The following ISCU variants were observed in gnomAD, a reference collection of about 807,000 sequenced individuals.
The protein encoded by ISCU is iron-sulfur cluster assembly enzyme.
A neutral mutation model predicts 18.4 loss-of-function variants in ISCU; 13 were observed. The ratio of observed to expected loss-of-function variants is 0.71; its 90% CI spans 0.46 to 1.12. The LOEUF (loss-of-function observed/expected upper bound fraction) is 1.12. ISCU is among the 50% of genes most tolerant of loss of function. The pLI, the probability that ISCU is intolerant of heterozygous loss-of-function variation, is 0.00. For missense variants in ISCU, 229 were observed against 208.7 expected, an observed-to-expected ratio of 1.10 and a Z score of -0.60; for synonymous variants, 104 against 87.5, an observed-to-expected ratio of 1.19 and a Z score of -1.06.
At chr12:108,567,957 G>C (rs1046379934) in intron 4 of ISCU, 4 of 1,457,372 alleles carry the variant, frequency 2.7e-6, no homozygotes, top group Non-Finnish European at 3.7e-6. Flanking sequence ...TTAATGCATC[G>C]ATGGAGGTTT....
intron 1 of ISCU, chr12:108,563,053 A>C: frequency 4.7e-6 from 1 of 214,862 alleles, no homozygotes. Flanking sequence ...ACACCCCCGG[A>C]GCGGGCTCCG....
intron 4 of ISCU, 123 bp from the exon 5 acceptor site, chr12:108,568,708 C>T: frequency 6.6e-7 from 1 of 1,524,896 alleles, no homozygotes; most frequent in East Asian, 2.5e-5. Context: ...CCCCAGCTTT[C>T]TGGCTTGGTT....
intron 1 of ISCU, 32 bp downstream of exon 1, chr12:108,562,768 G>T (rs1197500850): frequency 3.1e-6 from 4 of 1,301,238 alleles, no homozygotes; most frequent in South Asian, 1.7e-5. Flanking sequence ...GCGGAATGCC[G>T]ACTCAGCGGA....
intron 1 of ISCU, 51 bp downstream of exon 1, chr12:108,562,787 C>A: frequency 1.7e-6 from 2 of 1,145,588 alleles, no homozygotes; most frequent in Non-Finnish European, 2.3e-6. Flanking sequence ...GAGGCCTGGG[C>A]TGGAGGGGCG....
At chr12:108,562,772 C>T (rs755847174) in intron 1 of ISCU, 36 bp downstream of exon 1, 7 of 1,269,678 alleles carry the variant, frequency 5.5e-6, no homozygotes, top group East Asian at 3.1e-5. Context: ...AATGCCGACT[C>T]AGCGGAGGCC....
chr12:108,565,395 C>G lies in ISCU; in HGVS notation c.303C>G (p.Ser101=). 6.8e-6 allele frequency: 11 copies of G among 1,613,936 alleles called. No homozygotes were observed. Among genetic ancestry groups the G allele is most frequent in the Non-Finnish European group, 8.5e-6 (10 of 1,179,774 alleles). ...KTFGCGSAIA[S]SSLATEWVKG... ...TTGGCTGTGGTTCCGCAATTGCCTCCAGCTCATTAGCCACTGAATGGGTGA... is the reference window on the plus strand; with the variant it reads ...TTGGCTGTGGTTCCGCAATTGCCTCGAGCTCATTAGCCACTGAATGGGTGA... Residue 101 remains serine (S), a synonymous_variant, in exon 3 of 5, where the codon TCC becomes TCG. Transcript: ENST00000311893.
At chr12:108,568,577 G>C in intron 4 of ISCU, 4 of 1,368,222 alleles carry the variant, frequency 2.9e-6, no homozygotes, top group Non-Finnish European at 3.8e-6. Flanking sequence ...AGAAAGTAGG[G>C]TCAAAGAGGC....
At chr12:108,561,997 TC>T (rs1404306056), upstream of ISCU, among the ~76,000 whole-genome samples, 3 of 152,140 alleles carry the variant, frequency 2.0e-5, no homozygotes, top group Admixed American at 1.3e-4. Context: ...TTCCGTTGGA[TC>T]CCCGGGTCTA....
At chr12:108,568,344 G>C (rs2136721555) in intron 4 of ISCU, 1 of 1,096,292 alleles carries the variant, frequency 9.1e-7, no homozygotes, top group Middle Eastern at 4.2e-4. Context: ...TCGATCACTA[G>C]AGGGTGATGT....
intron 3 of ISCU, among the ~76,000 whole-genome samples, chr12:108,565,966 A>C (rs1043938922): frequency 2.0e-5 from 3 of 152,244 alleles, no homozygotes; most frequent in Non-Finnish European, 4.4e-5. Flanking sequence ...AAGAGCTAGA[A>C]CTTCTTTTTC....
intron 4 of ISCU, chr12:108,568,564 A>G: frequency 7.4e-7 from 1 of 1,344,678 alleles, no homozygotes; most frequent in Non-Finnish European, 9.6e-7. Flanking sequence ...AGTTCTATAG[A>G]AGAGAAAGTA....
chr12:108,567,588 G>A, intron 4 of ISCU: 1 of 1,294,810 alleles, frequency 7.7e-7, no homozygotes, highest in Non-Finnish European at 1.1e-6. Context: ...TAAGGCTTGG[G>A]TTGAGACGCC....
intron 4 of ISCU, 172 bp from the exon 5 acceptor site, chr12:108,568,659 G>C: frequency 4.1e-6 from 6 of 1,467,256 alleles, no homozygotes; most frequent in Non-Finnish European, 5.4e-6. Flanking sequence ...GAGTAACTCA[G>C]CTCAGGAAGC....
Position 108,564,315 on chromosome 12 carries a change from T to G in ISCU, c.151T>G (p.Ser51Ala). 6.2e-7 allele frequency: 1 copy of G among 1,614,120 alleles called. No homozygotes were observed. The highest frequency in any genetic ancestry group is 1.1e-5 in the South Asian group (1 of 91,080). Residue 51 changes from serine (S) to alanine (A), a missense_variant, in exon 2 of 5, where the codon TCC becomes GCC. Physicochemically the swap from Ser to Ala is moderately conservative, Grantham distance 99. Coordinates refer to ENST00000311893, the MANE Select transcript of ISCU (RefSeq NM_213595.4). Reference protein sequence around the residue: ...DHYENPRNVGSLDKTSKNVGT... With the variant: ...DHYENPRNVGALDKTSKNVGT... ...TTATGAAAATCCTAGAAACGTGGGG[T>G]CCCTTGACAAGACATCTAAAAATGT...
intron 1 of ISCU, chr12:108,563,485 T>C (rs1370359456): frequency 6.1e-6 from 1 of 164,146 alleles, no homozygotes; most frequent in African/African-American, 2.4e-5. Context: ...TCCCTTTTAC[T>C]TGGAGTCAAA....
Position 108,567,760 on chromosome 12 carries a change from C to T in ISCU, c.418+492C>T, listed in dbSNP as rs1409466296. On this transcript the variant is annotated intron_variant, in intron 4 of 4. Transcript: ENST00000311893. The stretch of plus-strand genomic sequence containing the variant: ...GTCTGGATGGTATTCCTGTCGGGGT[C>T]TGCATCTGTATATATGGAACAACTA... The T allele has an allele frequency of 1.2e-5, 18 of 1,535,588 alleles. 1 individual carries two copies. In the East Asian group the frequency reaches 4.2e-4, roughly 35 times the overall value.
At chr12:108,566,367 C>T (rs1172873339) in intron 3 of ISCU, among the ~76,000 whole-genome samples, 2 of 152,256 alleles carry the variant, frequency 1.3e-5, no homozygotes, top group African/African-American at 4.8e-5. Context: ...CTTTTGCTCC[C>T]AGAACCTGGC....
chr12:108,568,622 C>G lies in ISCU; in HGVS notation c.419-209C>G, dbSNP rs888549. 0.82 allele frequency: 1,167,738 copies of G among 1,422,676 alleles called. 484,081 individuals carry two copies. Among genetic ancestry groups the G allele is most frequent in the East Asian group, 0.93 (35,854 of 38,632 alleles). The allele number at this position is 1,422,676 out of a possible 1,614,324, so 88.1% of individuals were successfully genotyped here. ...AGCCTGGGATCACAGATTTTTAACCCTAGTCTGTCTCCAGGATCACCCGCA... is the reference window on the plus strand; with the variant it reads ...AGCCTGGGATCACAGATTTTTAACCGTAGTCTGTCTCCAGGATCACCCGCA... On this transcript the variant is annotated intron_variant, in intron 4 of 4. Coordinates refer to ENST00000311893, the MANE Select transcript of ISCU (RefSeq NM_213595.4).
intron 1 of ISCU, 105 bp downstream of exon 1, chr12:108,562,841 C>A: frequency 1.9e-6 from 1 of 530,590 alleles, no homozygotes; most frequent in Non-Finnish European, 3.1e-6. Context: ...TGTCCCCTCC[C>A]ACGTCTTTGC....
Sources: allele counts gnomAD v4.1 joint callset (sites outside exome capture counted in the v4.1 genomes callset), GRCh38; gene constraint gnomAD v4.1.1; transcripts MANE v1.5; gene names NCBI Gene and HGNC (gene_info 2026-07-23, HGNC 2026-07-21).